The following TNR variants were observed in gnomAD, a reference collection of about 807,000 sequenced individuals.
TNR encodes tenascin-R.
A neutral mutation model predicts 150.4 loss-of-function variants in TNR; 45 were observed. The observed-to-expected ratio is 0.30, with a 90% confidence interval of 0.24 to 0.38. The LOEUF (loss-of-function observed/expected upper bound fraction) is 0.38. TNR is among the 10% of genes least tolerant of loss of function. The pLI, the probability that TNR is intolerant of heterozygous loss-of-function variation, is 1.00. For synonymous variants in TNR, 687 were observed against 678.4 expected, an observed-to-expected ratio of 1.01 and a Z score of -0.20; for missense variants, 1,544 against 1,759.1, an observed-to-expected ratio of 0.88 and a Z score of 2.19.
intron 1 of TNR, among the ~76,000 whole-genome samples, chr1:175,704,777 G>A (rs1043210378): frequency 1.3e-5 from 2 of 152,220 alleles, no homozygotes; most frequent in African/African-American, 4.8e-5. Flanking sequence ...CTTTCAAGTA[G>A]ATTAAAAACT....
intron 1 of TNR, among the ~76,000 whole-genome samples, chr1:175,716,421 C>T (rs1227280234): frequency 6.6e-6 from 1 of 152,026 alleles, no homozygotes; most frequent in East Asian, 1.9e-4. Flanking sequence ...GTGAAGGGCA[C>T]CCAGGCTTGC....
chr1:175,629,090 T>G (rs1664245937), intron 1 of TNR, among the ~76,000 whole-genome samples: 2 of 152,304 alleles, frequency 1.3e-5, no homozygotes, highest in Admixed American at 1.3e-4. Context: ...CTCAGCTGTC[T>G]GCGGTGCACT....
intron 1 of TNR, among the ~76,000 whole-genome samples, chr1:175,625,066 A>G (rs1041574383): frequency 2.6e-5 from 4 of 152,214 alleles, no homozygotes; most frequent in African/African-American, 9.6e-5. Context: ...AGGAGCTAGC[A>G]TCCATTGCAG....
chr1:175,567,681 C>T lies in TNR; in HGVS notation c.-164-39312G>A, dbSNP rs1661697248. ...GAAGGAGGAACCTGGGACCTCTGCC[C>T]CTGTATGCCCTGCACAAGCCCCTCC... On this transcript the variant is annotated intron_variant, in intron 1 of 22. Coordinates refer to ENST00000367674, the MANE Select transcript of TNR (RefSeq NM_003285.3). Among the ~76,000 whole-genome samples, 14 of 152,226 alleles carry T rather than the reference C, an allele frequency of 9.2e-5. No homozygotes were observed. In the South Asian group the frequency reaches 2.9e-3, roughly 32 times the overall value.
intron 2 of TNR, among the ~76,000 whole-genome samples, chr1:175,447,743 G>A (rs1656128807): frequency 6.6e-6 from 1 of 152,114 alleles, no homozygotes; most frequent in African/African-American, 2.4e-5. Flanking sequence ...GCAAACAGTG[G>A]CTCCTGAGGC....
chr1:175,417,056 A>AAAGAAAGAAAGAAAGAAAGG (rs1654516553), intron 2 of TNR, among the ~76,000 whole-genome samples: 2 of 103,142 alleles, frequency 1.9e-5, no homozygotes, highest in East Asian at 3.0e-4. Context: ...AGAAAGAAAG[A>AAAGAAAGAAAGAAAGAAAGG]AAGAAAGAAA....
intron 1 of TNR, among the ~76,000 whole-genome samples, chr1:175,729,600 T>TCCTC (rs1667578392): frequency 6.6e-6 from 1 of 152,228 alleles, no homozygotes; most frequent in Non-Finnish European, 1.5e-5. Flanking sequence ...GTCTCTTCCT[T>TCCTC]CCTCCCTCCC....
chr1:175,561,878 A>G (rs936130250), intron 1 of TNR, among the ~76,000 whole-genome samples: 1 of 152,160 alleles, frequency 6.6e-6, no homozygotes, highest in Non-Finnish European at 1.5e-5. Flanking sequence ...TGGGCCCCTG[A>G]GTCTGTTTTC....
chr1:175,656,074 T>C (rs1222037132), intron 1 of TNR, among the ~76,000 whole-genome samples: 1 of 151,782 alleles, frequency 6.6e-6, no homozygotes, highest in Non-Finnish European at 1.5e-5. Context: ...GCCACAAGGC[T>C]ATCTCCCCAG....
chr1:175,668,370 G>A (rs562809308), intron 1 of TNR, among the ~76,000 whole-genome samples: 3 of 151,288 alleles, frequency 2.0e-5, no homozygotes, highest in African/African-American at 4.8e-5. Flanking sequence ...AAGTGTCATC[G>A]TCAGCCCCAG....
intron 1 of TNR, among the ~76,000 whole-genome samples, chr1:175,722,158 C>A (rs965854360): frequency 6.6e-6 from 1 of 152,124 alleles, no homozygotes; most frequent in Non-Finnish European, 1.5e-5. Flanking sequence ...ACCCTCCGGG[C>A]CCTCCCTGGC....
At chr1:175,551,778 A>C (rs770867083) in intron 1 of TNR, among the ~76,000 whole-genome samples, 1 of 152,242 alleles carries the variant, frequency 6.6e-6, no homozygotes, top group African/African-American at 2.4e-5. Context: ...AATACTAACA[A>C]AGGTAAAATA....
chr1:175,494,977 C>T (rs1200805724), intron 2 of TNR, among the ~76,000 whole-genome samples: 1 of 152,132 alleles, frequency 6.6e-6, no homozygotes, highest in Non-Finnish European at 1.5e-5. Flanking sequence ...TAGGTGAGAC[C>T]CTTCATGTAC....
chr1:175,465,061 C>A (rs1571478655), intron 2 of TNR, among the ~76,000 whole-genome samples: 1 of 152,148 alleles, frequency 6.6e-6, no homozygotes, highest in African/African-American at 2.4e-5. Context: ...ACATCAATAT[C>A]CTCCTGCCCA....
intron 1 of TNR, among the ~76,000 whole-genome samples, chr1:175,546,624 C>T (rs922738242): frequency 2.0e-5 from 3 of 152,148 alleles, no homozygotes; most frequent in Non-Finnish European, 4.4e-5. Context: ...GCGTGCCTTT[C>T]AGGAGGCATT....
chr1:175,538,044 C>T (rs1660362762), intron 1 of TNR, among the ~76,000 whole-genome samples: 2 of 152,154 alleles, frequency 1.3e-5, no homozygotes, highest in Admixed American at 1.3e-4. Flanking sequence ...GAAACCTGAG[C>T]AAGGGCAAAA....
At chr1:175,408,384 C>A (rs1183756104) in intron 2 of TNR, among the ~76,000 whole-genome samples, 1 of 152,196 alleles carries the variant, frequency 6.6e-6, no homozygotes, top group Non-Finnish European at 1.5e-5. Flanking sequence ...AGATACTGGT[C>A]TGTTCCATTT....
intron 9 of TNR, among the ~76,000 whole-genome samples, chr1:175,372,132 G>A (rs748101871): frequency 8.5e-5 from 13 of 152,148 alleles, no homozygotes; most frequent in African/African-American, 2.7e-4. Context: ...TGTGATGCGC[G>A]GGCTACTCCT....
chr1:175,548,996 C>T (rs980234442), intron 1 of TNR, among the ~76,000 whole-genome samples: 1 of 152,202 alleles, frequency 6.6e-6, no homozygotes, highest in Admixed American at 6.5e-5. Context: ...AGCTGTCTCT[C>T]ATTGGTAATA....
Sources: allele counts gnomAD v4.1 joint callset (sites outside exome capture counted in the v4.1 genomes callset), GRCh38; gene constraint gnomAD v4.1.1; transcripts MANE v1.5; gene names NCBI Gene and HGNC (gene_info 2026-07-23, HGNC 2026-07-21).